The following PARD3 variants were observed in gnomAD, a reference collection of about 807,000 sequenced individuals.
PARD3 encodes the protein partitioning defective 3 homolog.
Under a neutral mutation model 155.4 loss-of-function variants are expected in PARD3, and 75 were observed. That is an observed-to-expected ratio of 0.48 (90% CI 0.40 to 0.58). The LOEUF is 0.58. Ranked by LOEUF, PARD3 falls within the 20% of genes least tolerant of loss-of-function variation. The pLI, the probability that PARD3 is intolerant of heterozygous loss-of-function variation, is 0.00. For synonymous variants in PARD3, 576 were observed against 610.5 expected (o/e 0.94, Z 0.83); for missense variants, 1,642 against 1,721.7 (o/e 0.95, Z 0.82).
At chr10:34,716,815 C>T (rs2094528859) in intron 1 of PARD3, among the ~76,000 whole-genome samples, 1 of 152,160 alleles carries the variant, frequency 6.6e-6, no homozygotes, top group East Asian at 1.9e-4. Context: ...TGGTCTCGCA[C>T]TGCCAACCTC....
intron 1 of PARD3, among the ~76,000 whole-genome samples, chr10:34,723,434 A>C (rs1014048619): frequency 6.6e-6 from 1 of 152,188 alleles, no homozygotes; most frequent in South Asian, 2.1e-4. Context: ...CAAAGTCACT[A>C]TGTTTATTAT....
intron 22 of PARD3, among the ~76,000 whole-genome samples, chr10:34,205,317 C>A (rs1951419026): frequency 6.6e-6 from 1 of 152,086 alleles, no homozygotes; most frequent in Non-Finnish European, 1.5e-5. Flanking sequence ...ATGCTGACAT[C>A]TGAACTCAAT....
chr10:34,326,807 A>G (rs1388249949), intron 19 of PARD3, among the ~76,000 whole-genome samples: 1 of 152,228 alleles, frequency 6.6e-6, no homozygotes, highest in Non-Finnish European at 1.5e-5. Context: ...CTATCTCTTA[A>G]TAAGAGCTCT....
intron 1 of PARD3, among the ~76,000 whole-genome samples, chr10:34,813,350 C>T (rs1275477800): frequency 2.0e-5 from 3 of 152,106 alleles, no homozygotes; most frequent in Non-Finnish European, 4.4e-5. Flanking sequence ...TTCCAGAGTG[C>T]CTGAACAATT....
At chr10:34,251,871 T>G (rs1354231712) in intron 22 of PARD3, among the ~76,000 whole-genome samples, 1 of 152,162 alleles carries the variant, frequency 6.6e-6, no homozygotes, top group Non-Finnish European at 1.5e-5. Context: ...GCTGTGCTGA[T>G]GAGGAGTTTG....
At chr10:34,807,502 C>T (rs1242490179) in intron 1 of PARD3, among the ~76,000 whole-genome samples, 3 of 152,166 alleles carry the variant, frequency 2.0e-5, no homozygotes, top group Non-Finnish European at 4.4e-5. Flanking sequence ...ACCTCATACC[C>T]ATTCACAGTC....
chr10:34,339,599 C>T (rs997327473), intron 16 of PARD3, among the ~76,000 whole-genome samples: 1 of 152,104 alleles, frequency 6.6e-6, no homozygotes, highest in Admixed American at 6.6e-5. Context: ...TTCCTTTCCC[C>T]CAGAAACACA....
At chr10:34,253,451 T>C (rs1954449446) in intron 22 of PARD3, among the ~76,000 whole-genome samples, 1 of 152,226 alleles carries the variant, frequency 6.6e-6, no homozygotes, top group South Asian at 2.1e-4. Context: ...AGACCTACTC[T>C]GGAACTGATC....
intron 3 of PARD3, among the ~76,000 whole-genome samples, chr10:34,475,135 A>C (rs374371938): frequency 1.3e-5 from 2 of 152,242 alleles, no homozygotes; most frequent in East Asian, 3.8e-4. Context: ...GGGTAGAGCT[A>C]GTGATATTTA....
At chr10:34,236,170 GGA>G (rs747808933) in intron 22 of PARD3, among the ~76,000 whole-genome samples, 5 of 152,112 alleles carry the variant, frequency 3.3e-5, no homozygotes, top group Non-Finnish European at 7.3e-5. Context: ...AAGGAAATGG[GGA>G]GAGAGAGCAC....
chr10:34,707,402 A>G (rs1441193933), intron 1 of PARD3, among the ~76,000 whole-genome samples: 2 of 152,142 alleles, frequency 1.3e-5, no homozygotes, highest in Non-Finnish European at 2.9e-5. Flanking sequence ...CTGATAATAC[A>G]CTGGAAATTC....
Position 34,768,177 on chromosome 10 carries a change from T to C in PARD3, c.120+46699A>G, listed in dbSNP as rs115550008. ...AAATCTGAGACAGATCTCGGTCAAT[T>C]TAGGAAGTTTATTTTGTCAAAGTTA... On this transcript the variant is annotated intron_variant, in intron 1 of 24. Transcript: ENST00000374788. 3.5e-3 allele frequency among the ~76,000 whole-genome samples: 532 copies of C among 152,090 alleles called. 3 individuals are homozygous for C. Among genetic ancestry groups the C allele is most frequent in the African/African-American group, 0.011 (473 of 41,502 alleles).
intron 2 of PARD3, among the ~76,000 whole-genome samples, chr10:34,643,963 G>A (rs531174153): frequency 6.6e-6 from 1 of 152,248 alleles, no homozygotes; most frequent in East Asian, 1.9e-4. Flanking sequence ...ACACAAGAGT[G>A]GAAGACTCCA....
chr10:34,643,187 G>A (rs2132966920), intron 2 of PARD3, among the ~76,000 whole-genome samples: 1 of 152,352 alleles, frequency 6.6e-6, no homozygotes, highest in African/African-American at 2.4e-5. Context: ...CTGGCTGGAG[G>A]GACAGAAGGC....
At chr10:34,660,591 G>C (rs373395872) in intron 2 of PARD3, among the ~76,000 whole-genome samples, 9 of 151,932 alleles carry the variant, frequency 5.9e-5, no homozygotes, top group Non-Finnish European at 1.3e-4. Flanking sequence ...CAGCAAAACC[G>C]GGCAAATAGC....
chr10:34,724,725 G>T (rs545319950), intron 1 of PARD3, among the ~76,000 whole-genome samples: 18 of 152,262 alleles, frequency 1.2e-4, no homozygotes, highest in Non-Finnish European at 2.5e-4. Flanking sequence ...GGGGTGTAGA[G>T]GTGAAGAAGA....
chr10:34,436,171 G>A (rs1394081943), intron 5 of PARD3, among the ~76,000 whole-genome samples: 4 of 152,212 alleles, frequency 2.6e-5, no homozygotes, highest in Non-Finnish European at 5.9e-5. Flanking sequence ...TGACATCTGA[G>A]CAAATGCTAA....
chr10:34,338,398 T>G (rs1564602370), intron 16 of PARD3, among the ~76,000 whole-genome samples: 1 of 152,250 alleles, frequency 6.6e-6, no homozygotes. Flanking sequence ...GGGTTTTCTC[T>G]GTGCTGGGCA....
intron 22 of PARD3, among the ~76,000 whole-genome samples, chr10:34,136,945 T>C (rs547235096): frequency 1.3e-5 from 2 of 152,320 alleles, no homozygotes; most frequent in Non-Finnish European, 2.9e-5. Flanking sequence ...AACATGTACA[T>C]ATCTTGTATG....
Sources: allele counts gnomAD v4.1 joint callset (sites outside exome capture counted in the v4.1 genomes callset), GRCh38; gene constraint gnomAD v4.1.1; transcripts MANE v1.5; gene names NCBI Gene and HGNC (gene_info 2026-07-23, HGNC 2026-07-21).